The following AQP7B variants were observed in gnomAD, a reference collection of about 807,000 sequenced individuals.
AQP7B encodes the protein aquaporin 7B.
the AQP7B span, among the ~76,000 whole-genome samples, chr2:94,590,944 C>CAAAAAAAAAAA: frequency 1.8e-4 from 9 of 49,054 alleles, no homozygotes; most frequent in Non-Finnish European, 2.6e-4. Context: ...GACCCTGTCT[C>CAAAAAAAAAAA]AAAAAAAAAA....
chr2:94,590,944 C>CAAAAAAAAAAAAAAAAAAAAAAA, the AQP7B span, among the ~76,000 whole-genome samples: 1 of 49,082 alleles, frequency 2.0e-5, no homozygotes, highest in Non-Finnish European at 3.7e-5. Context: ...GACCCTGTCT[C>CAAAAAAAAAAAAAAAAAAAAAAA]AAAAAAAAAA....
chr2:94,598,287 C>T, the AQP7B span, among the ~76,000 whole-genome samples: 1 of 152,090 alleles, frequency 6.6e-6, no homozygotes, highest in Non-Finnish European at 1.5e-5. Flanking sequence ...GCTAGTGTGA[C>T]CTTGGCCCCA....
chr2:94,602,564 G>A, the AQP7B span: 19 of 1,603,920 alleles, frequency 1.2e-5, no homozygotes, highest in East Asian at 3.1e-4. Context: ...TGTCAACTTG[G>A]GTTTTGGCTT....
At chr2:94,595,704 G>A in the AQP7B span, among the ~76,000 whole-genome samples, 1 of 152,138 alleles carries the variant, frequency 6.6e-6, no homozygotes, top group African/African-American at 2.4e-5. Context: ...GGAGAAGAAA[G>A]CACATGTTTG....
At chr2:94,596,781 C>A in the AQP7B span, among the ~76,000 whole-genome samples, 1 of 152,160 alleles carries the variant, frequency 6.6e-6, no homozygotes, top group Admixed American at 6.5e-5. Context: ...CTCACTGCAG[C>A]CCCCACCTCC....
chr2:94,603,027 C>T, the AQP7B span: 3 of 1,593,700 alleles, frequency 1.9e-6, no homozygotes, highest in South Asian at 1.1e-5. Context: ...CACTTGCCTG[C>T]TGCCCGCAGG....
the AQP7B span, chr2:94,604,431 A>G: frequency 1.9e-6 from 3 of 1,611,552 alleles, no homozygotes; most frequent in Non-Finnish European, 2.5e-6. Context: ...TATGAAGACC[A>G]CGGGATAACC....
chr2:94,601,844 C>A, the AQP7B span, among the ~76,000 whole-genome samples: 3 of 152,010 alleles, frequency 2.0e-5, no homozygotes, highest in Non-Finnish European at 4.4e-5. Context: ...TGGCTCTAGA[C>A]TGAGGGTAAT....
At chr2:94,591,555 C>T in the AQP7B span, among the ~76,000 whole-genome samples, 1 of 152,162 alleles carries the variant, frequency 6.6e-6, no homozygotes, top group African/African-American at 2.4e-5. Flanking sequence ...AGGCAGCTCT[C>T]CTGCTGAAAT....
At chr2:94,591,659 A>G in the AQP7B span, among the ~76,000 whole-genome samples, 1 of 151,962 alleles carries the variant, frequency 6.6e-6, no homozygotes, top group African/African-American at 2.4e-5. Context: ...CTCTCTGCCC[A>G]TCTCATGCCA....
At chr2:94,598,804 T>TTTTA in the AQP7B span, among the ~76,000 whole-genome samples, 9 of 152,154 alleles carry the variant, frequency 5.9e-5, no homozygotes, top group Non-Finnish European at 8.8e-5. Context: ...CAGTATTTTA[T>TTTTA]TTTATTTATT....
the AQP7B span, among the ~76,000 whole-genome samples, chr2:94,589,436 A>G: frequency 1.3e-5 from 2 of 151,958 alleles, no homozygotes; most frequent in African/African-American, 4.8e-5. Flanking sequence ...CTCCAAGGCC[A>G]CCTTCTCAAC....
At chr2:94,603,530 C>T in the AQP7B span, 1 of 1,587,196 alleles carries the variant, frequency 6.3e-7, no homozygotes. Flanking sequence ...GTACCCCTCC[C>T]CCTGCCCTCC....
chr2:94,594,583 A>G, the AQP7B span, among the ~76,000 whole-genome samples: 1 of 152,098 alleles, frequency 6.6e-6, no homozygotes, highest in African/African-American at 2.4e-5. Context: ...ATGGCTCTCA[A>G]GTGTCTCCAA....
the AQP7B span, among the ~76,000 whole-genome samples, chr2:94,594,244 A>T: frequency 2.0e-5 from 3 of 152,182 alleles, no homozygotes; most frequent in African/African-American, 7.2e-5. Flanking sequence ...AGTGCTGTTT[A>T]CAGAGCTCGG....
chr2:94,600,616 G>A, the AQP7B span, among the ~76,000 whole-genome samples: 1 of 152,138 alleles, frequency 6.6e-6, no homozygotes, highest in Non-Finnish European at 1.5e-5. Flanking sequence ...AATGGCTCAT[G>A]CCTGTAATCC....
At chr2:94,597,750 G>T in the AQP7B span, among the ~76,000 whole-genome samples, 4 of 151,704 alleles carry the variant, frequency 2.6e-5, no homozygotes, top group South Asian at 6.2e-4. Context: ...AATTACAGGT[G>T]CATGCCACCA....
chr2:94,588,403 C>T, the AQP7B span: 1 of 615,754 alleles, frequency 1.6e-6, no homozygotes, highest in Admixed American at 2.7e-5. Flanking sequence ...CAGGAGCTGC[C>T]CCAGGGCTTC....
the AQP7B span, among the ~76,000 whole-genome samples, chr2:94,597,076 C>T: frequency 6.6e-6 from 1 of 152,126 alleles, no homozygotes; most frequent in Admixed American, 6.5e-5. Context: ...AGTGTGGTAC[C>T]CATGTATTGC....
Sources: gnomAD v4.1 joint callset for allele counts (sites outside exome capture counted in the v4.1 genomes callset) on GRCh38, gnomAD v4.1.1 for gene constraint, MANE v1.5 for transcripts, NCBI Gene and HGNC (gene_info 2026-07-23, HGNC 2026-07-21) for gene names.